Variants in JKAMP observed in about 807,000 individuals in gnomAD.
JKAMP encodes the protein JNK1/MAPK8 associated membrane protein.
In JKAMP, 20 loss-of-function variants were observed where a neutral mutation model predicts 40.2. The ratio of observed to expected loss-of-function variants is 0.50; its 90% confidence interval spans 0.35 to 0.72. JKAMP has a LOEUF of 0.72. Ranked by LOEUF, JKAMP falls within the 30% of genes least tolerant of loss-of-function variation. The pLI is 0.01. For missense variants in JKAMP, 276 were observed against 373.0 expected (o/e 0.74, Z 2.14); for synonymous variants, 138 against 131.6 (o/e 1.05, Z -0.33).
chr14:59,497,819 C>T (rs1190088553), intron 4 of JKAMP, among the ~76,000 whole-genome samples: 1 of 152,118 alleles, frequency 6.6e-6, no homozygotes, highest in Non-Finnish European at 1.5e-5. Context: ...ATTATGGTAT[C>T]ATGATGCTGT....
intron 3 of JKAMP, among the ~76,000 whole-genome samples, chr14:59,488,785 A>G (rs1412392663): frequency 1.3e-5 from 2 of 152,178 alleles, no homozygotes; most frequent in South Asian, 2.1e-4. Flanking sequence ...GCTGTCTGAA[A>G]TACTCTCTTC....
At chr14:59,484,962 T>C in intron 1 of JKAMP, 2 of 1,530,926 alleles carry the variant, frequency 1.3e-6, no homozygotes, top group East Asian at 4.5e-5. Flanking sequence ...GCTGCATAAT[T>C]TGTCTACTGC....
At chr14:59,489,009 A>C (rs959818380) in intron 3 of JKAMP, among the ~76,000 whole-genome samples, 2 of 152,258 alleles carry the variant, frequency 1.3e-5, no homozygotes, top group African/African-American at 2.4e-5. Flanking sequence ...GACTTCTGAA[A>C]TGCCTTCAAG....
chr14:59,495,283 T>C, intron 4 of JKAMP, 59 bp downstream of exon 4: 1 of 1,337,750 alleles, frequency 7.5e-7, no homozygotes, highest in South Asian at 1.2e-5. Context: ...AGGATTATTA[T>C]AGATTTTATG....
At chr14:59,494,816 T>G (rs895133050) in intron 3 of JKAMP, among the ~76,000 whole-genome samples, 1 of 152,250 alleles carries the variant, frequency 6.6e-6, no homozygotes, top group Non-Finnish European at 1.5e-5. Context: ...AGGGTAGATA[T>G]AATTTCTGCT....
intron 3 of JKAMP, among the ~76,000 whole-genome samples, chr14:59,490,916 G>C (rs1890945083): frequency 6.6e-6 from 1 of 152,184 alleles, no homozygotes; most frequent in Non-Finnish European, 1.5e-5. Context: ...TATGTTTTGA[G>C]GGAGAGACTT....
intron 3 of JKAMP, among the ~76,000 whole-genome samples, chr14:59,493,049 C>T (rs552591991): frequency 5.9e-5 from 9 of 152,152 alleles, no homozygotes; most frequent in South Asian, 4.1e-4. Flanking sequence ...CCACCCGCCC[C>T]GGCCTCCCAA....
At chr14:59,489,459 C>T (rs547098768) in intron 3 of JKAMP, among the ~76,000 whole-genome samples, 2 of 152,350 alleles carry the variant, frequency 1.3e-5, no homozygotes, top group East Asian at 3.9e-4. Flanking sequence ...ACCTCATCAG[C>T]CTGGCCTTCA....
intron 3 of JKAMP, among the ~76,000 whole-genome samples, chr14:59,494,061 C>T (rs1040114253): frequency 6.6e-6 from 1 of 151,988 alleles, no homozygotes; most frequent in African/African-American, 2.4e-5. Context: ...GAAATCTCTT[C>T]TAGGTGAATT....
chr14:59,498,861 T>A lies in JKAMP; in HGVS notation c.593T>A (p.Phe198Tyr). 1 of 1,612,120 alleles carries A rather than the reference T, an allele frequency of 6.2e-7. No individual in the cohort carries two copies. Among genetic ancestry groups the A allele is most frequent in the Non-Finnish European group, 8.5e-7 (1 of 1,179,052 alleles). ...AAAAGTATTTATGCTGCACTTTACTTCTTCCCAATTTTAACCGTGCTTCAG... is the reference window on the plus strand; with the variant it reads ...AAAAGTATTTATGCTGCACTTTACTACTTCCCAATTTTAACCGTGCTTCAG... Reference protein sequence around the residue: ...RFKSIYAALYFFPILTVLQAV... With the variant: ...RFKSIYAALYYFPILTVLQAV... The change falls in exon 5 of 7, where the codon TTC becomes TAC. Residue 198 changes from phenylalanine to tyrosine, a missense_variant. By Grantham distance (22) the Phe-to-Tyr change is conservative (BLOSUM62 3). Coordinates refer to ENST00000616435, the MANE Select transcript of JKAMP (RefSeq NM_016475.5).
intron 3 of JKAMP, among the ~76,000 whole-genome samples, chr14:59,490,811 C>T (rs1890935787): frequency 6.6e-6 from 1 of 152,062 alleles, no homozygotes; most frequent in African/African-American, 2.4e-5. Context: ...GAATAATTGT[C>T]CAGTCAATTG....
chr14:59,501,809 A>G (rs1891904369), intron 6 of JKAMP, among the ~76,000 whole-genome samples: 1 of 152,146 alleles, frequency 6.6e-6, no homozygotes, highest in Non-Finnish European at 1.5e-5. Context: ...TTTTCACAGT[A>G]TTCATTTTGT....
chr14:59,484,961 T>C, intron 1 of JKAMP: 4 of 1,529,850 alleles, frequency 2.6e-6, no homozygotes, highest in Non-Finnish European at 1.7e-6. Context: ...TGCTGCATAA[T>C]TTGTCTACTG....
intron 2 of JKAMP, chr14:59,487,178 G>C (rs1890648603): frequency 6.3e-6 from 1 of 158,810 alleles, no homozygotes; most frequent in Non-Finnish European, 1.4e-5. Flanking sequence ...ATTCCAGCGT[G>C]GGCAACAGAG....
intron 6 of JKAMP, 64 bp downstream of exon 6, chr14:59,501,331 T>G: frequency 1.0e-6 from 1 of 999,880 alleles, no homozygotes; most frequent in Admixed American, 1.9e-5. Flanking sequence ...AATATCAGAA[T>G]AGTCCATATG....
At chr14:59,502,768 T>TGTTTTG (rs1566584056) in intron 6 of JKAMP, among the ~76,000 whole-genome samples, 1 of 140,324 alleles carries the variant, frequency 7.1e-6, no homozygotes, top group Non-Finnish European at 1.5e-5. Flanking sequence ...TTTTTTTTTT[T>TGTTTTG]TTTTTCGGAG....
chr14:59,484,819 G>A, intron 1 of JKAMP: 2 of 949,120 alleles, frequency 2.1e-6, no homozygotes, highest in South Asian at 3.5e-5. Flanking sequence ...GAAATGCCAG[G>A]TCTTTGTTGT....
intron 5 of JKAMP, chr14:59,500,940 A>G (rs1412511988): frequency 2.0e-5 from 8 of 399,524 alleles, no homozygotes; most frequent in Admixed American, 1.3e-4. Flanking sequence ...TGTATTCTCT[A>G]TGGCTGCTTT....
rs1183381818 is a variant in JKAMP, at chr14:59,487,814, C to T, written c.237C>T (p.Tyr79=). ...LVLHWFFIEW[Y]SGKKSSSALF... ...TACATTGGTTCTTCATTGAATGGTACTCGGGGAAAAAGAGGTTAGCACATT... is the reference window on the plus strand; with the variant it reads ...TACATTGGTTCTTCATTGAATGGTATTCGGGGAAAAAGAGGTTAGCACATT... Residue 79 remains tyrosine (Y), a synonymous_variant, in exon 3 of 7, where the codon TAC becomes TAT. Transcript: ENST00000616435. 8.1e-6 allele frequency: 13 copies of T among 1,613,372 alleles called. No homozygotes were observed. The highest frequency in any genetic ancestry group is 1.0e-5 in the Non-Finnish European group (12 of 1,179,600).
Sources: gnomAD v4.1 joint callset for allele counts (sites outside exome capture counted in the v4.1 genomes callset) on GRCh38, gnomAD v4.1.1 for gene constraint, MANE v1.5 for transcripts, NCBI Gene and HGNC (gene_info 2026-07-23, HGNC 2026-07-21) for gene names.